Variants in MUC5B observed in about 807,000 individuals in gnomAD.
The protein encoded by MUC5B is mucin-5B.
Under a neutral mutation model 376.9 loss-of-function variants are expected in MUC5B, and 116 were observed. That is an observed-to-expected ratio of 0.31 (90% confidence interval 0.26 to 0.36). MUC5B has a LOEUF of 0.36. Among genes scored for constraint, MUC5B ranks in the 10% least tolerant of loss-of-function variants. MUC5B has a pLI of 1.00. For missense variants in MUC5B, 7,165 were observed against 7,769.9 expected (o/e 0.92, Z 2.93); for synonymous variants, 3,517 against 3,390.9 (o/e 1.04, Z -1.29).
chr11:1,246,648 C>T lies in MUC5B; in HGVS notation c.9768C>T (p.Thr3256=). 6.2e-7 allele frequency: 1 copy of T among 1,612,846 alleles called. No homozygotes were observed. The highest frequency in any genetic ancestry group is 8.5e-7 in the Non-Finnish European group (1 of 1,179,332). The change falls in exon 31 of 49, where the codon ACC becomes ACT. Residue 3256 remains threonine (T), a synonymous_variant. Coordinates refer to ENST00000529681, the MANE Select transcript of MUC5B (RefSeq NM_002458.3). ...CCTGGACCCGCCTATCACAGACCAC[C>T]ACACCCACGGCCACCATGTCCACAG... ...GTAWTRLSQT[T]TPTATMSTAT... is the part of the protein sequence containing the mutation.
Position 1,223,210 on chromosome 11 carries a change from C to T in MUC5B, c.70+17C>T. On this transcript the variant is annotated intron_variant, in intron 1 of 48. Coordinates refer to ENST00000529681, the MANE Select transcript of MUC5B (RefSeq NM_002458.3). The stretch of plus-strand genomic sequence containing the variant: ...CGCAGGCAGGTAAGAGCCCCCCACT[C>T]CGCCCCCTCTCGATGCTGTCTTCAC... 1.4e-6 allele frequency: 1 copy of T among 710,098 alleles called. No homozygotes were observed. Among genetic ancestry groups the T allele is most frequent in the South Asian group, 1.5e-5 (1 of 67,512 alleles). The allele number at this position is 710,098 out of a possible 1,614,324, so 44.0% of individuals were successfully genotyped here. A position where few individuals can be genotyped will look rare whatever the true frequency, so the allele number is the denominator to read the frequency against.
chr11:1,250,191 G>C lies in MUC5B; in HGVS notation c.13311G>C (p.Thr4437=), dbSNP rs556109815. 1.2e-6 allele frequency: 2 copies of C among 1,608,936 alleles called. No individual in the cohort carries two copies. The highest frequency in any genetic ancestry group is 1.7e-6 in the Non-Finnish European group (2 of 1,176,826). The change falls in exon 31 of 49, where the codon ACG becomes ACC. Residue 4437 remains threonine (T), a synonymous_variant. Coordinates refer to ENST00000529681, the MANE Select transcript of MUC5B (RefSeq NM_002458.3). ...TATTTASTGS[T]ATPSSTPGTT... is the part of the protein sequence containing the mutation. ...CTACGACTGCGTCCACTGGATCCACGGCCACCCCGTCCTCCACCCCAGGGA... is the reference window on the plus strand; with the variant it reads ...CTACGACTGCGTCCACTGGATCCACCGCCACCCCGTCCTCCACCCCAGGGA...
Position 1,240,949 on chromosome 11 carries a change from G to C in MUC5B, c.4069G>C (p.Asp1357His). The C allele has an allele frequency of 6.2e-7, 1 of 1,613,366 alleles. No homozygotes were observed. The highest frequency in any genetic ancestry group is 8.5e-7 in the Non-Finnish European group (1 of 1,179,850). Reference sequence around the variant, plus strand: ...CCCAGAGCCCGGCCTGGGAGGCGGAGACTTTGAGACGTTTGAAAACCTGAG... The same window carrying C: ...CCCAGAGCCCGGCCTGGGAGGCGGACACTTTGAGACGTTTGAAAACCTGAG... ...HRPEPGLGGG[D>H]FETFENLRQR... Residue 1357 changes from aspartate (D) to histidine (H), a missense_variant, in exon 31 of 49, where the codon GAC (aspartate) becomes CAC (histidine). Asp to His is a moderately conservative substitution (Grantham distance 81). This residue lies in a region of MUC5B where 517 missense variants were observed against 545.3 expected (regional missense o/e 0.95). Transcript: ENST00000529681.
chr11:1,251,424 C>T lies in MUC5B; in HGVS notation c.14544C>T (p.Leu4848=), dbSNP rs1862688911. The change falls in exon 31 of 49, where the codon CTC becomes CTT. Residue 4848 remains leucine (L), a synonymous_variant. Coordinates refer to ENST00000529681, the MANE Select transcript of MUC5B (RefSeq NM_002458.3). The part of the protein sequence containing the change: ...LSSTPGTTWI[L]TEPSTIATVM... Reference sequence around the variant, plus strand: ...CCACCCCAGGGACCACCTGGATCCTCACAGAGCCGAGCACTATAGCCACCG... The same window carrying T: ...CCACCCCAGGGACCACCTGGATCCTTACAGAGCCGAGCACTATAGCCACCG... 4 of 1,612,752 alleles carry T rather than the reference C, an allele frequency of 2.5e-6. No individual in the cohort carries two copies. Among genetic ancestry groups the T allele is most frequent in the Non-Finnish European group, 3.4e-6 (4 of 1,179,292 alleles).
At position 1,231,563 on chromosome 11, in the gene MUC5B, G is replaced by A. The variant is rs1296460894; in HGVS notation, c.1678+3G>A. On this transcript the variant is annotated splice_donor_region_variant and intron_variant, in intron 14 of 48. Transcript: ENST00000529681. The stretch of plus-strand genomic sequence containing the variant: ...CGCCCACCAGGGCCAGATGTGCGGT[G>A]AGGCTGGGCAGGGGCCTTCGGGGAC... 1.9e-6 allele frequency: 3 copies of A among 1,568,722 alleles called. No individual in the cohort carries two copies. The highest frequency in any genetic ancestry group is 2.7e-5 in the African/African-American group (2 of 74,004).
chr11:1,248,705 G>A lies in MUC5B; in HGVS notation c.11825G>A (p.Gly3942Asp), dbSNP rs552876259. The change falls in exon 31 of 49, where the codon GGT (glycine) becomes GAT (aspartate). Residue 3942 changes from glycine to aspartate, a missense_variant. Physicochemically the swap from Gly to Asp is moderately conservative, Grantham distance 94 (BLOSUM62 -1). This residue lies in a region of MUC5B where 242 missense variants were observed against 199.0 expected (regional missense o/e 1.22). Coordinates refer to ENST00000529681, the MANE Select transcript of MUC5B (RefSeq NM_002458.3). ...ATPSSSTQTS[G>D]TPPSLITTAT... ...CCCTCCTCTAGCACACAGACCAGTGGTACTCCCCCATCACTGATCACCACG... is the reference window on the plus strand; with the variant it reads ...CCCTCCTCTAGCACACAGACCAGTGATACTCCCCCATCACTGATCACCACG... 1.1e-5 allele frequency: 18 copies of A among 1,571,754 alleles called. No individual in the cohort carries two copies. The highest frequency in any genetic ancestry group is 1.5e-5 in the Non-Finnish European group (17 of 1,159,312).
chr11:1,231,099 T>C (rs1463569224), intron 13 of MUC5B, 94 bp downstream of exon 13: 2 of 1,298,604 alleles, frequency 1.5e-6, no homozygotes, highest in East Asian at 5.2e-5. Context: ...TCCCTGCTAG[T>C]TCTCCGTGGC....
Position 1,251,152 on chromosome 11 carries a change from C to G in MUC5B, c.14272C>G (p.Leu4758Val). The change falls in exon 31 of 49, where the codon CTG (leucine) becomes GTG (valine). Residue 4758 changes from leucine (L) to valine (V), a missense_variant. By Grantham distance (32) the Leu-to-Val change is conservative. This residue lies in a region of MUC5B where 730 missense variants were observed against 592.7 expected (regional missense o/e 1.23). Coordinates refer to ENST00000529681, the MANE Select transcript of MUC5B (RefSeq NM_002458.3). ...TSFTPIPSST[L>V]WTTWTVPAQT... ...CTTTACACCCATCCCCTCCTCCACC[C>G]TGTGGACCACGTGGACCGTCCCAGC... 6.2e-7 allele frequency: 1 copy of G among 1,611,316 alleles called. No individual in the cohort carries two copies. Among genetic ancestry groups the G allele is most frequent in the South Asian group, 1.1e-5 (1 of 91,018 alleles).
chr11:1,242,350 G>T lies in MUC5B; in HGVS notation c.5470G>T (p.Ala1824Ser). Residue 1824 changes from alanine (A) to serine (S), a missense_variant, in exon 31 of 49, where the codon GCA becomes TCA. Ala to Ser is a moderately conservative substitution (Grantham distance 99). This residue lies in a region of MUC5B where 897 missense variants were observed against 779.6 expected (regional missense o/e 1.15). Transcript: ENST00000529681. Reference sequence around the variant, plus strand: ...GGCTGCTGGGGGCAAGATGTGCTGGGCACCAAAGAGCATAGAGTGCCGGGC... The same window carrying T: ...GGCTGCTGGGGGCAAGATGTGCTGGTCACCAAAGAGCATAGAGTGCCGGGC... ...IRAAGGKMCW[A>S]PKSIECRAEN... 1 of 1,613,906 alleles carries T rather than the reference G, an allele frequency of 6.2e-7. No homozygotes were observed. Among genetic ancestry groups the T allele is most frequent in the South Asian group, 1.1e-5 (1 of 91,074 alleles).
rs1322494183 is a variant in MUC5B, at chr11:1,240,514, G to A, written c.3970+139G>A. On this transcript the variant is annotated intron_variant, in intron 30 of 48. Transcript: ENST00000529681. ...TTCCGGGCTCTGTCTAGGGGTGCAC[G>A]GCCCCTCAACACCCTGCGTGTCTCC... 34 of 804,934 alleles carry A rather than the reference G, an allele frequency of 4.2e-5. 1 individual carries two copies. The South Asian group carries it at 4.5e-4, about 11-fold the overall frequency. 49.9% of individuals were successfully genotyped at this position (804,934 alleles called of 1,614,324 possible). A position where few individuals can be genotyped will look rare whatever the true frequency, so the allele number is the denominator to read the frequency against.
chr11:1,261,877 G>A lies in MUC5B; in HGVS notation c.*269G>A, dbSNP rs1316455648. 1 of 673,072 alleles carries A rather than the reference G, an allele frequency of 1.5e-6. No individual in the cohort carries two copies. Among genetic ancestry groups the A allele is most frequent in the Admixed American group, 2.0e-5 (1 of 48,908 alleles). 41.7% of individuals were successfully genotyped at this position (673,072 alleles called of 1,614,324 possible). On this transcript the variant is annotated 3_prime_UTR_variant, in exon 49 of 49. Coordinates refer to ENST00000529681, the MANE Select transcript of MUC5B (RefSeq NM_002458.3). ...GCCTTGCCCCTCCCTGATGTCACTG[G>A]GACGCCCTGGAACAAACTAAGCATG...
rs779916196 is a variant in MUC5B, at chr11:1,246,652, C to T, written c.9772C>T (p.Pro3258Ser). 4 of 1,612,224 alleles carry T rather than the reference C, an allele frequency of 2.5e-6. No individual in the cohort carries two copies. Among genetic ancestry groups the T allele is most frequent in the African/African-American group, 1.3e-5 (1 of 74,686 alleles). The change falls in exon 31 of 49, where the codon CCC (proline) becomes TCC (serine). Residue 3258 changes from proline (P) to serine (S), a missense_variant. Pro to Ser is a moderately conservative substitution (Grantham distance 74). Coordinates refer to ENST00000529681, the MANE Select transcript of MUC5B (RefSeq NM_002458.3). Reference protein sequence around the residue: ...AWTRLSQTTTPTATMSTATPS... With the variant: ...AWTRLSQTTTSTATMSTATPS... The stretch of plus-strand genomic sequence containing the variant: ...GACCCGCCTATCACAGACCACCACA[C>T]CCACGGCCACCATGTCCACAGCCAC...
intron 18 of MUC5B, 125 bp from the exon 19 acceptor site, chr11:1,233,668 G>T: frequency 1.1e-6 from 1 of 898,432 alleles, no homozygotes; most frequent in Non-Finnish European, 1.8e-6. Flanking sequence ...AGCAGGCACC[G>T]TCTGGCCTTA....
Position 1,240,926 on chromosome 11 carries a change from C to T in MUC5B, c.4046C>T (p.Pro1349Leu), listed in dbSNP as rs1375152943. 6.2e-7 allele frequency: 1 copy of T among 1,613,124 alleles called. No homozygotes were observed. The highest frequency in any genetic ancestry group is 8.5e-7 in the Non-Finnish European group (1 of 1,179,848). ...RWSSWYNGHR[P>L]EPGLGGGDFE... ...TCCAGCTGGTACAATGGGCACCGCC[C>T]AGAGCCCGGCCTGGGAGGCGGAGAC... The change falls in exon 31 of 49, where the codon CCA (proline) becomes CTA (leucine). Residue 1349 changes from proline to leucine, a missense_variant. Physicochemically the swap from Pro to Leu is moderately conservative, Grantham distance 98 (BLOSUM62 -3). Coordinates refer to ENST00000529681, the MANE Select transcript of MUC5B (RefSeq NM_002458.3).
chr11:1,234,676 A>G lies in MUC5B; in HGVS notation c.2626A>G (p.Thr876Ala). 6.9e-7 allele frequency: 1 copy of G among 1,450,652 alleles called. No individual in the cohort carries two copies. The highest frequency in any genetic ancestry group is 9.2e-7 in the Non-Finnish European group (1 of 1,087,514). The allele number at this position is 1,450,652 out of a possible 1,614,324, so 89.9% of individuals were successfully genotyped here. A position where few individuals can be genotyped will look rare whatever the true frequency, so the allele number is the denominator to read the frequency against. The change falls in exon 21 of 49, where the codon ACC becomes GCC. Residue 876 changes from threonine to alanine, a missense_variant. This residue lies in a region of MUC5B where 530 missense variants were observed against 604.0 expected (regional missense o/e 0.88). Coordinates refer to ENST00000529681, the MANE Select transcript of MUC5B (RefSeq NM_002458.3). The surrounding 1 kb of genome is among the most constrained non-coding windows in gnomAD (Gnocchi z 6.3). ...AGAGACCATCAGGGTCGACTGCAAC[A>G]CCTGGTGGGTCGTGAGTCTCTCGGA... ...PGETIRVDCN[T>A]CTCRNRRWEC...
intron 37 of MUC5B, 23 bp downstream of exon 37, chr11:1,255,581 C>A (rs1396075920): frequency 1.4e-6 from 2 of 1,463,704 alleles, no homozygotes; most frequent in African/African-American, 1.4e-5. Context: ...GGCCCCGGGC[C>A]CCCCAGACCC....
At position 1,256,199 on chromosome 11, in the gene MUC5B, C is replaced by T; in HGVS notation, c.16110C>T (p.Pro5370=). The T allele has an allele frequency of 1.4e-6, 1 of 734,534 alleles. No homozygotes were observed. Among genetic ancestry groups the T allele is most frequent in the Non-Finnish European group, 2.5e-6 (1 of 395,238 alleles). 45.5% of individuals were successfully genotyped at this position (734,534 alleles called of 1,614,324 possible). ...PPTKVYKPCG[P]IQPATCNSRN... ...CCAAAGTGTACAAGCCATGCGGCCC[C>T]ATACAGCCTGCCACCTGCAACTCTA... The change falls in exon 38 of 49, where the codon CCC becomes CCT. Residue 5370 remains proline, a synonymous_variant. Transcript: ENST00000529681.
At chr11:1,223,456 G>T in intron 1 of MUC5B, 1 of 571,390 alleles carries the variant, frequency 1.8e-6, no homozygotes. Flanking sequence ...GCCCCTGGGA[G>T]ACCACCGAAA....
At position 1,256,780 on chromosome 11, in the gene MUC5B, C is replaced by G; in HGVS notation, c.16237+9C>G. On this transcript the variant is annotated intron_variant, in intron 39 of 48. Coordinates refer to ENST00000529681, the MANE Select transcript of MUC5B (RefSeq NM_002458.3). ...CTGCGTGCAGGCCTGCCGTAAGCTCCGCCACCTGTGGCGGGATACGACCCT... is the reference window on the plus strand; with the variant it reads ...CTGCGTGCAGGCCTGCCGTAAGCTCGGCCACCTGTGGCGGGATACGACCCT... 6.6e-7 allele frequency: 1 copy of G among 1,523,306 alleles called. No individual in the cohort carries two copies. Among genetic ancestry groups the G allele is most frequent in the Admixed American group, 2.2e-5 (1 of 44,704 alleles). The allele number at this position is 1,523,306 out of a possible 1,614,324, so 94.4% of individuals were successfully genotyped here. A position where few individuals can be genotyped will look rare whatever the true frequency, so the allele number is the denominator to read the frequency against.
Sources: allele counts gnomAD v4.1 joint callset, GRCh38; gene constraint gnomAD v4.1.1; regional missense constraint gnomAD v4.1.1; non-coding constraint Gnocchi (gnomAD v3.1); transcripts MANE v1.5; gene names NCBI Gene and HGNC (gene_info 2026-07-23, HGNC 2026-07-21).